The following BRD7 variants were observed in gnomAD, a reference collection of about 807,000 sequenced individuals.
The protein encoded by BRD7 is bromodomain-containing protein 7.
Under a neutral mutation model 82.1 loss-of-function variants are expected in BRD7, and 15 were observed. The ratio of observed to expected loss-of-function variants is 0.18; its 90% confidence interval spans 0.12 to 0.28. The LOEUF is 0.28. BRD7 is among the 10% of genes least tolerant of loss of function. BRD7 has a pLI of 1.00. For missense variants in BRD7, 638 were observed against 779.9 expected (o/e 0.82, Z 2.17); for synonymous variants, 232 against 266.9 (o/e 0.87, Z 1.27).
chr16:50,368,135 C>T lies in BRD7; in HGVS notation c.213G>A (p.Lys71=), dbSNP rs759605820. Residue 71 remains lysine, a synonymous_variant, in exon 2 of 17, where the codon AAG becomes AAA. Transcript: ENST00000394688. ...TCCCCTTTTCTTCCCCTGGAATCTG[C>T]TTCTCTCCTTTCTTTCTCTTTTTCC... ...RKRKKRKKGE[K]QIPGEEKGRK... is the part of the protein sequence containing the mutation. The T allele has an allele frequency of 1.2e-6, 2 of 1,611,412 alleles. No individual in the cohort carries two copies. Among genetic ancestry groups the T allele is most frequent in the African/African-American group, 1.3e-5 (1 of 74,990 alleles).
intron 11 of BRD7, 59 bp from the exon 12 acceptor site, chr16:50,323,757 A>G: frequency 7.9e-7 from 1 of 1,272,198 alleles, no homozygotes; most frequent in East Asian, 2.3e-5. Flanking sequence ...TTATCCTCCC[A>G]TCAGAGCCAA....
intron 5 of BRD7, 64 bp from the exon 6 acceptor site, chr16:50,340,150 G>A (rs2151168811): frequency 5.8e-6 from 5 of 864,206 alleles, no homozygotes; most frequent in Non-Finnish European, 8.8e-6. Context: ...GCACCCCCAG[G>A]TTGAAAATAT....
intron 4 of BRD7, 39 bp downstream of exon 4, chr16:50,354,386 T>C: frequency 2.0e-6 from 3 of 1,536,224 alleles, no homozygotes; most frequent in Non-Finnish European, 2.7e-6. Flanking sequence ...ATCTACCATT[T>C]TAATTTCTAT....
chr16:50,368,635 G>A (rs1244437335), intron 1 of BRD7, 91 bp downstream of exon 1: 97 of 1,388,530 alleles, frequency 7.0e-5, no homozygotes, highest in Middle Eastern at 2.6e-4. Context: ...GGGAAGGAAG[G>A]GCCCCGGGCC....
At chr16:50,332,360 C>T (rs7194251) in intron 8 of BRD7, among the ~76,000 whole-genome samples, 22,361 of 152,184 alleles carry the variant, frequency 0.15, 2,098 homozygotes, top group Non-Finnish European at 0.21. Flanking sequence ...TGAACAGACA[C>T]CACTCAAAAG....
At chr16:50,350,293 T>C in intron 4 of BRD7, 126 bp from the exon 5 acceptor site, 1 of 658,910 alleles carries the variant, frequency 1.5e-6, no homozygotes, top group Non-Finnish European at 2.2e-6. Flanking sequence ...TAACATATTT[T>C]TAACTGAAAA....
At chr16:50,359,720 T>TA (rs2151204132) in intron 2 of BRD7, among the ~76,000 whole-genome samples, 2 of 152,312 alleles carry the variant, frequency 1.3e-5, no homozygotes, top group Non-Finnish European at 2.9e-5. Flanking sequence ...TGACTAGTCT[T>TA]AAAAACAACA....
At chr16:50,337,786 T>C (rs1384944976) in intron 6 of BRD7, among the ~76,000 whole-genome samples, 3 of 152,098 alleles carry the variant, frequency 2.0e-5, no homozygotes, top group African/African-American at 7.2e-5. Flanking sequence ...AAAATCACTG[T>C]TGTGACGACC....
At chr16:50,346,975 C>T (rs1308794619) in intron 5 of BRD7, among the ~76,000 whole-genome samples, 1 of 152,186 alleles carries the variant, frequency 6.6e-6, no homozygotes, top group Non-Finnish European at 1.5e-5. Flanking sequence ...AATTTTAGAC[C>T]AATATCCCTG....
chr16:50,342,455 C>CTT (rs34093559), intron 5 of BRD7, among the ~76,000 whole-genome samples: 46,625 of 102,998 alleles, frequency 0.45, 12,425 homozygotes, highest in East Asian at 0.56. Context: ...AAGACACTGT[C>CTT]TTTTTTTTTT....
intron 5 of BRD7, among the ~76,000 whole-genome samples, chr16:50,340,779 C>CA (rs1376893019): frequency 6.6e-6 from 1 of 152,056 alleles, no homozygotes; most frequent in East Asian, 1.9e-4. Context: ...CTTAAATTTC[C>CA]AAGTCCGCTA....
At chr16:50,359,733 A>G (rs2038870474) in intron 2 of BRD7, among the ~76,000 whole-genome samples, 1 of 152,228 alleles carries the variant, frequency 6.6e-6, no homozygotes, top group Admixed American at 6.5e-5. Context: ...AAACAACAAC[A>G]AAACAGATTT....
Position 50,318,557 on chromosome 16 carries a change from C to CCTT in BRD7, c.*651_*653dup, listed in dbSNP as rs1461610198. On this transcript the variant is annotated 3_prime_UTR_variant, in exon 17 of 17. Transcript: ENST00000394688. ...AGAGTTCAACTCCTTGGGTACTTGA[C>CCTT]CTTTGTATTTCAGATAAACAGTAAG... 2.6e-5 allele frequency: 4 copies of CCTT among 152,302 alleles called. No homozygotes were observed. Among genetic ancestry groups the CCTT allele is most frequent in the African/African-American group, 9.6e-5 (4 of 41,560 alleles). The allele number at this position is 152,302 out of a possible 1,614,324, so 9.4% of individuals were successfully genotyped here.
At chr16:50,354,361 G>C in intron 4 of BRD7, 64 bp downstream of exon 4, 1 of 1,376,312 alleles carries the variant, frequency 7.3e-7, no homozygotes, top group East Asian at 2.4e-5. Context: ...CACAAATGTG[G>C]TTTGGATCCT....
At chr16:50,325,947 A>C in intron 10 of BRD7, 64 bp from the exon 11 acceptor site, 1 of 1,464,972 alleles carries the variant, frequency 6.8e-7, no homozygotes, top group Non-Finnish European at 9.2e-7. Context: ...ATTTTGTTTT[A>C]CCAAAAGATT....
chr16:50,358,896 A>G (rs950319975), intron 2 of BRD7, among the ~76,000 whole-genome samples: 1 of 152,252 alleles, frequency 6.6e-6, no homozygotes, highest in Non-Finnish European at 1.5e-5. Context: ...TCTAGCTTCT[A>G]GTTCACCAGC....
chr16:50,364,010 C>G (rs1156534269), intron 2 of BRD7, among the ~76,000 whole-genome samples: 1 of 151,708 alleles, frequency 6.6e-6, no homozygotes, highest in African/African-American at 2.4e-5. Flanking sequence ...CTGCAGTGGA[C>G]CATGATTGCA....
chr16:50,346,903 C>A (rs2038307009), intron 5 of BRD7, among the ~76,000 whole-genome samples: 1 of 152,212 alleles, frequency 6.6e-6, no homozygotes, highest in Non-Finnish European at 1.5e-5. Context: ...CTCCCTAACT[C>A]ATTTTATGAG....
chr16:50,361,524 A>C (rs1290211205), intron 2 of BRD7, among the ~76,000 whole-genome samples: 1 of 152,226 alleles, frequency 6.6e-6, no homozygotes, highest in Non-Finnish European at 1.5e-5. Context: ...CAATAAAGGA[A>C]TTGAGACCAC....
Sources: allele counts gnomAD v4.1 joint callset (sites outside exome capture counted in the v4.1 genomes callset), GRCh38; gene constraint gnomAD v4.1.1; transcripts MANE v1.5; gene names NCBI Gene and HGNC (gene_info 2026-07-23, HGNC 2026-07-21).